Variants in RPS17 observed in about 807,000 individuals in gnomAD.
The protein encoded by RPS17 is ribosomal protein S17, also known as small ribosomal subunit protein eS17.
For synonymous variants in RPS17, 75 were observed against 65.6 expected, an observed-to-expected ratio of 1.14 and a Z score of -0.70; for missense variants, 68 against 182.3, an observed-to-expected ratio of 0.37 and a Z score of 3.61.
At chr15:82,539,950 A>G in intron 2 of RPS17, 31 bp downstream of exon 2, 1 of 1,612,016 alleles carries the variant, frequency 6.2e-7, no homozygotes, top group South Asian at 1.1e-5. Context: ...CAGATCGCGG[A>G]GCCCCGGAGG....
chr15:82,539,850 G>T, intron 2 of RPS17, 131 bp downstream of exon 2: 1 of 1,447,828 alleles, frequency 6.9e-7, no homozygotes, highest in East Asian at 2.3e-5. Flanking sequence ...CAGAGCTCTA[G>T]CCCTTCTCCG....
Position 82,538,876 on chromosome 15 carries a change from T to G in RPS17, c.261+4A>C. ...CCAGAAGCCCAAATATCCAGAAAGT[T>G]TACCTCAGGAACATAATTGTCTCTC... is the stretch of plus-strand genomic sequence containing the variant. On this transcript the variant is annotated splice_donor_region_variant and intron_variant, in intron 3 of 4. Transcript: ENST00000647841. 1 of 1,613,846 alleles carries G rather than the reference T, an allele frequency of 6.2e-7. No homozygotes were observed. The highest frequency in any genetic ancestry group is 1.1e-5 in the South Asian group (1 of 91,070).
At chr15:82,540,213 G>T in intron 1 of RPS17, 81 bp from the exon 2 acceptor site, 6 of 1,611,596 alleles carry the variant, frequency 3.7e-6, no homozygotes, top group Non-Finnish European at 5.1e-6. Flanking sequence ...CGGCCGGTGT[G>T]GTTGGGGACC....
At chr15:82,539,629 C>T in intron 2 of RPS17, 1 of 418,208 alleles carries the variant, frequency 2.4e-6, no homozygotes, top group Non-Finnish European at 4.5e-6. Flanking sequence ...ACGGAGGTTG[C>T]AGTGAGCCGA....
rs1353441057 is a variant in RPS17 at position 82,537,047 on chromosome 15, A to G, written c.328-166T>C. The stretch of plus-strand genomic sequence containing the variant: ...GGTTCTCAATGCCTCCCACTTTTCC[A>G]GAGTGATCTTCCTTCAACACACACC... On this transcript the variant is annotated intron_variant, in intron 4 of 4. Transcript: ENST00000647841. 2.6e-5 allele frequency: 19 copies of G among 733,282 alleles called. No individual in the cohort carries two copies. The South Asian group carries it at 2.8e-4, about 11-fold the overall frequency. 45.4% of individuals were successfully genotyped at this position (733,282 alleles called of 1,614,324 possible). A position where few individuals can be genotyped will look rare whatever the true frequency, so the allele number is the denominator to read the frequency against.
In RPS17 at chr15:82,540,404, G is replaced by T; in HGVS notation, c.3+22C>A. The T allele has an allele frequency of 2.5e-6, 4 of 1,593,660 alleles. 1 individual carries two copies. Among genetic ancestry groups the T allele is most frequent in the South Asian group, 2.3e-5 (2 of 87,868 alleles). On this transcript the variant is annotated intron_variant, in intron 1 of 4. Transcript: ENST00000647841. ...ATGGGGGACGATTGTGGAGGATGGC[G>T]GCCTCGAGCCAAAACACCTACCATG...
intron 4 of RPS17, 127 bp from the exon 5 acceptor site, chr15:82,537,008 T>G: frequency 9.8e-7 from 1 of 1,020,962 alleles, no homozygotes; most frequent in Non-Finnish European, 1.5e-6. Flanking sequence ...GAAGGACCCT[T>G]TAAGAGCCAA....
In RPS17 at chr15:82,540,097, G is replaced by A. The variant is rs1311301768; in HGVS notation, c.39C>T (p.Ala13=). The change falls in exon 2 of 5, where the codon GCC becomes GCT. Residue 13 remains alanine, a synonymous_variant. Coordinates refer to ENST00000647841, the MANE Select transcript of RPS17 (RefSeq NM_001021.6). The part of the protein sequence containing the change: ...RVRTKTVKKA[A]RVIIEKYYTR... ...TGTAGTACTTTTCTATGATGACCCG[G>A]GCCGCCTTCTTCACGGTTTTGGTGC... is the stretch of plus-strand genomic sequence containing the variant. 19 of 1,613,454 alleles carry A rather than the reference G, an allele frequency of 1.2e-5. No individual in the cohort carries two copies. The Admixed American group carries it at 1.3e-4, about 11-fold the overall frequency.
chr15:82,537,886 T>C, intron 4 of RPS17: 1 of 456,782 alleles, frequency 2.2e-6, no homozygotes, highest in South Asian at 1.5e-5. Flanking sequence ...GCAATGAAGA[T>C]ACTCGTGAAC....
chr15:82,538,068 C>CA, intron 4 of RPS17: 1 of 574,280 alleles, frequency 1.7e-6, no homozygotes, highest in Non-Finnish European at 3.4e-6. Context: ...CAGAAGCAGC[C>CA]AAGAGAGAAA....
Position 82,538,871 on chromosome 15 carries a change from A to G in RPS17, c.261+9T>C, listed in dbSNP as rs1467541609. 1.5e-5 allele frequency: 24 copies of G among 1,613,692 alleles called. No homozygotes were observed. The highest frequency in any genetic ancestry group is 2.2e-5 in the East Asian group (1 of 44,882). On this transcript the variant is annotated intron_variant, in intron 3 of 4. Transcript: ENST00000647841. ...ATTAGCCAGAAGCCCAAATATCCAGAAAGTTTACCTCAGGAACATAATTGT... is the reference window on the plus strand; with the variant it reads ...ATTAGCCAGAAGCCCAAATATCCAGGAAGTTTACCTCAGGAACATAATTGT...
At chr15:82,540,335 G>C in intron 1 of RPS17, 91 bp downstream of exon 1, 1 of 1,580,658 alleles carries the variant, frequency 6.3e-7, no homozygotes, top group South Asian at 1.1e-5. Context: ...GCGCCTTCCC[G>C]GCCCAGGGCC....
Position 82,536,789 on chromosome 15 carries a change from T to C in RPS17, c.*12A>G. The stretch of plus-strand genomic sequence containing the variant: ...AGATTTATTGAAAATAATACAGCAC[T>C]ACAGAAAAAATTCAAACAGGTCCCC... On this transcript the variant is annotated 3_prime_UTR_variant, in exon 5 of 5. Transcript: ENST00000647841. 6.2e-7 allele frequency: 1 copy of C among 1,613,892 alleles called. No individual in the cohort carries two copies. The highest frequency in any genetic ancestry group is 8.5e-7 in the Non-Finnish European group (1 of 1,179,824).
chr15:82,540,024 T>G lies in RPS17; in HGVS notation c.112A>C (p.Ile38Leu). 1 of 1,612,292 alleles carries G rather than the reference T, an allele frequency of 6.2e-7. No individual in the cohort carries two copies. Among genetic ancestry groups the G allele is most frequent in the Non-Finnish European group, 8.5e-7 (1 of 1,179,856 alleles). ...FHTNKRVCEE[I>L]AIIPSKKLRN... is the part of the protein sequence containing the mutation. The stretch of plus-strand genomic sequence containing the variant: ...AGCTTTTTGCTGGGGATAATGGCGA[T>G]CTCCTCGCACACGCGCTTGTTCGTG... The change falls in exon 2 of 5, where the codon ATC becomes CTC. Residue 38 changes from isoleucine (I) to leucine (L), a missense_variant. Transcript: ENST00000647841.
At chr15:82,537,130 T>C (rs2034253856) in intron 4 of RPS17, 1 of 587,140 alleles carries the variant, frequency 1.7e-6, no homozygotes, top group African/African-American at 1.9e-5. Context: ...TACCATGCCA[T>C]TTGTATCTGT....
chr15:82,537,719 T>G, intron 4 of RPS17: 1 of 383,516 alleles, frequency 2.6e-6, no homozygotes, highest in Non-Finnish European at 5.1e-6. Flanking sequence ...TACATGTGAG[T>G]TCATTTTGCT....
chr15:82,539,443 T>A (rs1344887614), intron 2 of RPS17: 2 of 459,168 alleles, frequency 4.4e-6, no homozygotes, highest in Non-Finnish European at 8.7e-6. Context: ...ATCCCAGCAA[T>A]TTGGGAGGCC....
At chr15:82,538,007 A>C in intron 4 of RPS17, 1 of 488,848 alleles carries the variant, frequency 2.0e-6, no homozygotes, top group Non-Finnish European at 4.1e-6. Flanking sequence ...AGGCAGATTC[A>C]GCCAGGGCTG....
At chr15:82,538,622 G>A (rs1465137614) in intron 3 of RPS17, 1 of 649,468 alleles carries the variant, frequency 1.5e-6, no homozygotes, top group Non-Finnish European at 2.7e-6. Flanking sequence ...TACTATATTA[G>A]GGGCAAACAA....
Sources: allele counts gnomAD v4.1 joint callset, GRCh38; gene constraint gnomAD v4.1.1; transcripts MANE v1.5; gene names NCBI Gene and HGNC (gene_info 2026-07-23, HGNC 2026-07-21).